ABCC6: variants seen among roughly 807,000 people sequenced by gnomAD.
ABCC6 encodes ATP binding cassette subfamily C member 6, also known as ATP-binding cassette sub-family C member 6.
In ABCC6, 126 loss-of-function variants were observed where a neutral mutation model predicts 169.5. The ratio of observed to expected loss-of-function variants is 0.74; its 90% CI spans 0.64 to 0.86. ABCC6 has a LOEUF of 0.86. Among genes scored for constraint, ABCC6 ranks in the 40% least tolerant of loss-of-function variants. The pLI is 0.00. For missense variants in ABCC6, 1,733 were observed against 1,927.2 expected (o/e 0.90, Z 1.89); for synonymous variants, 752 against 814.7 (o/e 0.92, Z 1.31).
At chr16:16,196,591 C>T (rs556333324) in intron 10 of ABCC6, among the ~76,000 whole-genome samples, 1 of 152,300 alleles carries the variant, frequency 6.6e-6, no homozygotes, top group Non-Finnish European at 1.5e-5. Context: ...GAGACAAGAA[C>T]AGGAGGCACA....
intron 7 of ABCC6, among the ~76,000 whole-genome samples, chr16:16,206,375 A>G (rs550681152): frequency 2.2e-4 from 33 of 152,256 alleles, no homozygotes; most frequent in East Asian, 1.9e-3. Context: ...CTGTAATCCC[A>G]GCACTTTGGG....
intron 30 of ABCC6, among the ~76,000 whole-genome samples, 164 bp from the exon 31 acceptor site, chr16:16,150,405 T>C (rs2046353177): frequency 6.6e-6 from 1 of 152,212 alleles, no homozygotes; most frequent in South Asian, 2.1e-4. Context: ...GCTGGGCGCA[T>C]GTCCTTGGGC....
In ABCC6 at chr16:16,173,314, T is replaced by C. The variant is rs140467297; in HGVS notation, c.2757A>G (p.Pro919=). The C allele has an allele frequency of 2.2e-5, 36 of 1,613,944 alleles. No homozygotes were observed. The African/African-American group carries it at 2.8e-4, about 13-fold the overall frequency. Reference sequence around the variant, plus strand: ...CGTATTGGATGCTGTCCTTTCCTGCTGGCCATCCTGCCCTGTCAGGGTCAT... The same window carrying C: ...CGTATTGGATGCTGTCCTTTCCTGCCGGCCATCCTGCCCTGTCAGGGTCAT... The part of the protein sequence containing the change: ...PLDDPDRAGW[P]AGKDSIQYGR... Residue 919 remains proline, a synonymous_variant, in exon 21 of 31, where the codon CCA becomes CCG. Transcript: ENST00000205557.
At chr16:16,203,115 A>G (rs1467916446) in intron 8 of ABCC6, among the ~76,000 whole-genome samples, 1 of 152,202 alleles carries the variant, frequency 6.6e-6, no homozygotes, top group Admixed American at 6.5e-5. Context: ...ACTGACCCAC[A>G]TTACCATGAA....
chr16:16,203,760 C>T (rs1212361217), intron 7 of ABCC6, 147 bp from the exon 8 acceptor site: 8 of 932,644 alleles, frequency 8.6e-6, no homozygotes, highest in Middle Eastern at 5.7e-4. Context: ...TCCTCCTTAT[C>T]ACCCTGAGTA....
chr16:16,151,845 G>T (rs537390455), intron 29 of ABCC6, among the ~76,000 whole-genome samples: 8 of 152,270 alleles, frequency 5.3e-5, no homozygotes, highest in African/African-American at 1.9e-4. Flanking sequence ...TGACCCCAGA[G>T]TCTGTGCTCC....
intron 29 of ABCC6, among the ~76,000 whole-genome samples, chr16:16,153,139 A>G (rs1406830827): frequency 6.6e-6 from 1 of 152,128 alleles, no homozygotes; most frequent in Admixed American, 6.5e-5. Context: ...TCCTGACCTC[A>G]GGTGATCCAC....
intron 27 of ABCC6, chr16:16,155,347 T>G: frequency 2.2e-6 from 1 of 454,128 alleles, no homozygotes; most frequent in Non-Finnish European, 4.0e-6. Flanking sequence ...TCCTTTTTTC[T>G]ACCCCATCCC....
In ABCC6 at chr16:16,163,192, T is replaced by G. The variant is rs2046781036; in HGVS notation, c.3307A>C (p.Ser1103Arg). 6.2e-7 allele frequency: 1 copy of G among 1,612,888 alleles called. No individual in the cohort carries two copies. Among genetic ancestry groups the G allele is most frequent in the South Asian group, 1.1e-5 (1 of 91,080 alleles). ...TGGCATGAGCTAACCACATACAGGC[T>G]CTGAGAAGGATGGATGGGAGAGGGA... ...PLFLLYAGFQ[S>R]LYVVSSCQLR... The change falls in exon 24 of 31, where the codon AGC (serine) becomes CGC (arginine). Residue 1103 changes from serine to arginine, a missense_variant and splice_region_variant. Ser to Arg is a moderately radical substitution (Grantham distance 110). Around this residue, in one of 5 missense-constraint regions of ABCC6, gnomAD observed 1,601 missense variants for 1,635.5 expected, o/e 0.98. Transcript: ENST00000205557.
intron 11 of ABCC6, among the ~76,000 whole-genome samples, chr16:16,192,002 T>G (rs539935325): frequency 4.6e-5 from 7 of 151,902 alleles, no homozygotes; most frequent in African/African-American, 7.3e-5. Context: ...TTGTGGGAAG[T>G]GCTGTGGGGG....
rs139799453 is a variant in ABCC6 at position 16,161,401 on chromosome 16, C to G, written c.3633+37G>C. ...GGGGTCCGACAGTCTCTGCCTCTGT[C>G]TGTCCCTCAAGCCCAGTTTGGGGAT... On this transcript the variant is annotated intron_variant, in intron 25 of 30. Coordinates refer to ENST00000205557, the MANE Select transcript of ABCC6 (RefSeq NM_001171.6). 8 of 1,613,352 alleles carry G rather than the reference C, an allele frequency of 5.0e-6. No individual in the cohort carries two copies. In the African/African-American group the frequency reaches 1.1e-4, roughly 21 times the overall value.
At chr16:16,171,807 ATGAG>A (rs573124822) in intron 21 of ABCC6, among the ~76,000 whole-genome samples, 12 of 150,166 alleles carry the variant, frequency 8.0e-5, no homozygotes, top group Admixed American at 6.0e-4. Flanking sequence ...GGACAGATAA[ATGAG>A]TGGGTGGGAT....
At chr16:16,190,508 C>T (rs1364475423) in intron 11 of ABCC6, 141 bp from the exon 12 acceptor site, 7 of 884,042 alleles carry the variant, frequency 7.9e-6, no homozygotes, top group South Asian at 1.4e-5. Flanking sequence ...CACCTCTGAC[C>T]CTCACTCCTG....
Position 16,198,201 on chromosome 16 carries a change from G to A in ABCC6, c.1177-19C>T. ...CCAGGACCTGGCGGGTGGGCAGAAG[G>A]AGAGAAGTAAAGTGGGGAGGCCGGG... is the stretch of plus-strand genomic sequence containing the variant. On this transcript the variant is annotated intron_variant, in intron 9 of 30. Transcript: ENST00000205557. 6.4e-7 allele frequency: 1 copy of A among 1,573,544 alleles called. No homozygotes were observed. Among genetic ancestry groups the A allele is most frequent in the African/African-American group, 1.3e-5 (1 of 74,260 alleles).
At chr16:16,222,054 G>A (rs1193856290) in intron 1 of ABCC6, among the ~76,000 whole-genome samples, 1 of 152,204 alleles carries the variant, frequency 6.6e-6, no homozygotes, top group East Asian at 1.9e-4. Flanking sequence ...GACCAGAGAG[G>A]TTGAGTAACT....
rs72664210 is a variant in ABCC6 at position 16,161,565 on chromosome 16, C to T, written c.3507-1G>A. 10 of 1,613,788 alleles carry T rather than the reference C, an allele frequency of 6.2e-6. No individual in the cohort carries two copies. In the Admixed American group the frequency reaches 1.7e-4, roughly 27 times the overall value. On this transcript the variant is annotated splice_acceptor_variant, in intron 24 of 30. Coordinates refer to ENST00000205557, the MANE Select transcript of ABCC6 (RefSeq NM_001171.6). LOFTEE classifies it high-confidence loss of function. ...GAGCTCCACATTGGCCGCAAGCCAC[C>T]TGCAAAGGGAAGCGACAGCAGGGTG...
At chr16:16,168,341 G>T (rs1567482660) in intron 22 of ABCC6, among the ~76,000 whole-genome samples, 1 of 152,258 alleles carries the variant, frequency 6.6e-6, no homozygotes, top group East Asian at 1.9e-4. Flanking sequence ...ACAAAAATTA[G>T]CCAGCATGGT....
intron 9 of ABCC6, 80 bp downstream of exon 9, chr16:16,201,921 G>A: frequency 6.5e-7 from 1 of 1,543,012 alleles, no homozygotes; most frequent in South Asian, 1.1e-5. Context: ...TGCGTTCTCA[G>A]CTGCTGATAA....
rs761612541 is a variant in ABCC6 at position 16,202,057 on chromosome 16, G to GCCTGTC, written c.1119_1120insGACAGG (p.Arg373_Leu374insAspArg). The stretch of plus-strand genomic sequence containing the variant: ...CGCAACCTCATCTGCAGCACCTTGA[G>GCCTGTC]CCTGTACATGTTCTGCTGCTCAAAC... On this transcript the variant is annotated inframe_insertion, in exon 9 of 31. Transcript: ENST00000205557. The GCCTGTC allele has an allele frequency of 6.2e-7, 1 of 1,613,894 alleles. No homozygotes were observed.
Sources: gnomAD v4.1 joint callset for allele counts (sites outside exome capture counted in the v4.1 genomes callset) on GRCh38, gnomAD v4.1.1 for gene constraint, gnomAD v4.1.1 regional missense constraint, MANE v1.5 for transcripts, NCBI Gene and HGNC (gene_info 2026-07-23, HGNC 2026-07-21) for gene names.